EYS: variants seen among roughly 807,000 people sequenced by gnomAD.
EYS encodes the protein protein eyes shut homolog.
Under a neutral mutation model 282.1 loss-of-function variants are expected in EYS, and 250 were observed. That is an observed-to-expected ratio of 0.89 (90% CI 0.80 to 0.98). EYS has a LOEUF of 0.98. Among genes scored for constraint, EYS ranks in the 50% least tolerant of loss-of-function variants. The pLI, the probability that EYS is intolerant of heterozygous loss-of-function variation, is 0.00. For synonymous variants in EYS, 1,355 were observed against 1,282.9 expected, an observed-to-expected ratio of 1.06 and a Z score of -1.20; for missense variants, 4,016 against 3,709.0, an observed-to-expected ratio of 1.08 and a Z score of -2.15.
intron 29 of EYS, among the ~76,000 whole-genome samples, chr6:64,336,910 A>G (rs1770873744): frequency 6.6e-6 from 1 of 152,088 alleles, no homozygotes; most frequent in African/African-American, 2.4e-5. Flanking sequence ...TGGAAATTTA[A>G]AAATTCTTCA....
At chr6:63,891,456 C>A (rs966591640) in intron 35 of EYS, among the ~76,000 whole-genome samples, 4 of 152,098 alleles carry the variant, frequency 2.6e-5, no homozygotes, top group African/African-American at 9.7e-5. Flanking sequence ...AAACATAATC[C>A]ATCACATAAA....
intron 35 of EYS, among the ~76,000 whole-genome samples, chr6:63,929,295 T>C (rs1050661334): frequency 2.0e-5 from 3 of 152,194 alleles, no homozygotes; most frequent in African/African-American, 4.8e-5. Context: ...AAAACTGTAG[T>C]CTGCAGGGTC....
intron 11 of EYS, among the ~76,000 whole-genome samples, chr6:65,327,333 T>C (rs1239414088): frequency 6.6e-6 from 1 of 151,666 alleles, no homozygotes; most frequent in Non-Finnish European, 1.5e-5. Flanking sequence ...TGAGGTAATT[T>C]AATAGATGTT....
At chr6:64,992,301 A>G (rs974222261) in intron 14 of EYS, among the ~76,000 whole-genome samples, 1 of 151,902 alleles carries the variant, frequency 6.6e-6, no homozygotes, top group South Asian at 2.1e-4. Context: ...TATGATTCTA[A>G]TAAATTGGCT....
chr6:63,960,554 T>G (rs1288890755), intron 35 of EYS, among the ~76,000 whole-genome samples: 1 of 152,174 alleles, frequency 6.6e-6, no homozygotes, highest in Non-Finnish European at 1.5e-5. Flanking sequence ...TTAAACAGCA[T>G]TGGGTACTAC....
intron 31 of EYS, among the ~76,000 whole-genome samples, chr6:64,191,934 C>T (rs1211543459): frequency 2.0e-5 from 3 of 148,524 alleles, no homozygotes; most frequent in Middle Eastern, 3.5e-3. Flanking sequence ...AACTAGTTTA[C>T]AGTCCCACCA....
chr6:65,677,024 A>C (rs1768630154), intron 1 of EYS, among the ~76,000 whole-genome samples: 1 of 151,470 alleles, frequency 6.6e-6, no homozygotes, highest in Admixed American at 6.6e-5. Flanking sequence ...AAAAAATTAA[A>C]AAAACTAGAA....
At chr6:64,348,370 A>G (rs1771489620) in intron 29 of EYS, among the ~76,000 whole-genome samples, 1 of 151,352 alleles carries the variant, frequency 6.6e-6, no homozygotes, top group African/African-American at 2.4e-5. Context: ...TTTTTTTTCC[A>G]TATCATTCCT....
At chr6:64,446,527 T>C (rs145928701) in intron 26 of EYS, among the ~76,000 whole-genome samples, 68 of 150,852 alleles carry the variant, frequency 4.5e-4, no homozygotes, top group African/African-American at 1.5e-3. Flanking sequence ...TTTTTGAAAG[T>C]GTAAAGGAAT....
chr6:64,969,454 TGAATAATCACC>T (rs1770214473), intron 14 of EYS, among the ~76,000 whole-genome samples: 2 of 151,880 alleles, frequency 1.3e-5, no homozygotes, highest in Admixed American at 1.3e-4. Flanking sequence ...AGATTAAGGG[TGAATAATCACC>T]ATTTTAAAGA....
At chr6:64,063,572 A>G (rs750942669) in intron 33 of EYS, among the ~76,000 whole-genome samples, 1 of 152,170 alleles carries the variant, frequency 6.6e-6, no homozygotes, top group Admixed American at 6.6e-5. Context: ...ATTCCTTAAC[A>G]TAGCTGCAAG....
chr6:64,456,299 T>C (rs1775558746), intron 26 of EYS, among the ~76,000 whole-genome samples: 2 of 152,104 alleles, frequency 1.3e-5, no homozygotes, highest in South Asian at 4.1e-4. Context: ...TCAAGAAGAC[T>C]TAGTTTTAAT....
At chr6:64,943,018 C>G (rs1460381713) in intron 15 of EYS, among the ~76,000 whole-genome samples, 1 of 151,904 alleles carries the variant, frequency 6.6e-6, no homozygotes, top group East Asian at 1.9e-4. Flanking sequence ...AGTTAATTCT[C>G]CAACTAAGCT....
At chr6:64,117,913 G>A (rs547483222) in intron 31 of EYS, among the ~76,000 whole-genome samples, 15 of 151,986 alleles carry the variant, frequency 9.9e-5, no homozygotes, top group Middle Eastern at 3.4e-3. Context: ...TACTGATAAT[G>A]AATTAGCTGA....
intron 1 of EYS, among the ~76,000 whole-genome samples, chr6:65,681,066 C>G (rs188410262): frequency 1.7e-3 from 252 of 151,052 alleles, no homozygotes; most frequent in African/African-American, 5.8e-3. Flanking sequence ...TGTCAGCCAA[C>G]TTATTAGCAT....
chr6:63,988,940 A>G (rs893533079), intron 34 of EYS, among the ~76,000 whole-genome samples: 10 of 151,636 alleles, frequency 6.6e-5, no homozygotes, highest in African/African-American at 2.4e-4. Flanking sequence ...TCCATCAGGC[A>G]GGGGAGAGGG....
At chr6:65,572,270 A>T (rs574312725) in intron 2 of EYS, among the ~76,000 whole-genome samples, 2 of 152,272 alleles carry the variant, frequency 1.3e-5, no homozygotes, top group South Asian at 4.1e-4. Flanking sequence ...ATATTCAAAA[A>T]TCAATTTCTT....
At chr6:63,863,679 T>TCTTTTC (rs4034986) in intron 36 of EYS, among the ~76,000 whole-genome samples, 2 of 139,234 alleles carry the variant, frequency 1.4e-5, no homozygotes, top group African/African-American at 5.4e-5. Context: ...TTTTTTCTTT[T>TCTTTTC]TTTTTTTTTT....
intron 35 of EYS, among the ~76,000 whole-genome samples, chr6:63,978,127 A>G (rs569394972): frequency 2.4e-4 from 36 of 152,048 alleles, no homozygotes; most frequent in Non-Finnish European, 4.7e-4. Context: ...CATTCTTTTG[A>G]TACTCACACC....
Sources: gnomAD v4.1 joint callset for allele counts (sites outside exome capture counted in the v4.1 genomes callset) on GRCh38, gnomAD v4.1.1 for gene constraint, MANE v1.5 for transcripts, NCBI Gene and HGNC (gene_info 2026-07-23, HGNC 2026-07-21) for gene names.